TUT7: variants seen among roughly 807,000 people sequenced by gnomAD.
TUT7 encodes the protein terminal uridylyltransferase 7.
Under a neutral mutation model 165.9 loss-of-function variants are expected in TUT7, and 33 were observed. The observed-to-expected ratio is 0.20, with a 90% CI of 0.15 to 0.27. The LOEUF is 0.27. Ranked by LOEUF, TUT7 falls within the 10% of genes least tolerant of loss-of-function variation. TUT7 has a pLI of 1.00. For synonymous variants in TUT7, 552 were observed against 608.1 expected (o/e 0.91, Z 1.36); for missense variants, 1,338 against 1,762.3 (o/e 0.76, Z 4.31).
chr9:86,326,024 G>T (rs1279830212), intron 11 of TUT7, among the ~76,000 whole-genome samples: 2 of 152,176 alleles, frequency 1.3e-5, no homozygotes, highest in Non-Finnish European at 2.9e-5. Context: ...AATAACTCTT[G>T]CCATCAGAAA....
At chr9:86,326,634 C>A (rs791312) in intron 11 of TUT7, 85,312 of 154,158 alleles carry the variant, frequency 0.55, 23,835 homozygotes, top group African/African-American at 0.56. Flanking sequence ...ACAATGTCAC[C>A]ACTGTAAGAT....
rs767133738 is a variant in TUT7, at chr9:86,353,154, G to A, written c.46C>T (p.Arg16Trp). The change falls in exon 2 of 27, where the codon CGG becomes TGG. Residue 16 changes from arginine (R) to tryptophan (W), a missense_variant. By Grantham distance (101) the Arg-to-Trp change is moderately radical (BLOSUM62 -3). This residue lies in a region of TUT7 where 434 missense variants were observed against 480.8 expected (regional missense o/e 0.90). Transcript: ENST00000375963. The part of the protein sequence containing the change: ...KPYFVKRTKD[R>W]GTMDDDDFRR... ...AAGTCATCATCATCCATAGTCCCCC[G>A]GTCTTTAGTGCGCTTCACGAAATAA... is the stretch of plus-strand genomic sequence containing the variant. The A allele has an allele frequency of 6.9e-6, 11 of 1,605,160 alleles. No homozygotes were observed. Among genetic ancestry groups the A allele is most frequent in the Non-Finnish European group, 8.5e-6 (10 of 1,177,632 alleles).
rs527945606 is a variant in TUT7, at chr9:86,325,302, TG to T, written c.1789+31del. The T allele has an allele frequency of 1.3e-3, 2,042 of 1,585,680 alleles. 6 individuals carry two copies. Among genetic ancestry groups the T allele is most frequent in the Admixed American group, 2.2e-3 (128 of 58,214 alleles). On this transcript the variant is annotated intron_variant, in intron 12 of 26. Coordinates refer to ENST00000375963, the MANE Select transcript of TUT7 (RefSeq NM_024617.4). ...AGACTGGTACCTTTAAAAAAAAGAGTGGGGGGGAATAAGATAAACATTTTGA... is the reference window on the plus strand; with the variant it reads ...AGACTGGTACCTTTAAAAAAAAGAGTGGGGGGAATAAGATAAACATTTTGA...
chr9:86,321,660 TAGAGGCTGTGG>T (rs1445911470), intron 14 of TUT7, among the ~76,000 whole-genome samples: 1 of 151,982 alleles, frequency 6.6e-6, no homozygotes, highest in Admixed American at 6.6e-5. Context: ...GTCCAGGAGT[TAGAGGCTGTGG>T]AGAGCTGATA....
chr9:86,340,729 A>G (rs977196145), intron 7 of TUT7, among the ~76,000 whole-genome samples: 1 of 152,236 alleles, frequency 6.6e-6, no homozygotes, highest in African/African-American at 2.4e-5. Flanking sequence ...TACATTTTAC[A>G]TATTTTGCAT....
At chr9:86,344,614 A>G (rs1831596391) in intron 5 of TUT7, among the ~76,000 whole-genome samples, 2 of 151,128 alleles carry the variant, frequency 1.3e-5, no homozygotes, top group African/African-American at 4.9e-5. Flanking sequence ...GACATGAATA[A>G]CCTGAAAATA....
At chr9:86,297,484 G>T (rs1037412891) in intron 26 of TUT7, among the ~76,000 whole-genome samples, 1 of 152,276 alleles carries the variant, frequency 6.6e-6, no homozygotes, top group Middle Eastern at 3.4e-3. Context: ...GGCTACGCAA[G>T]AATTAGTTTT....
intron 12 of TUT7, 119 bp from the exon 13 acceptor site, chr9:86,324,079 T>C (rs1829572505): frequency 6.2e-6 from 6 of 972,058 alleles, no homozygotes; most frequent in Non-Finnish European, 7.1e-6. Flanking sequence ...AAAATTTATC[T>C]TGCATTTTAT....
chr9:86,322,091 A>T (rs546445142), intron 14 of TUT7, among the ~76,000 whole-genome samples: 24 of 151,678 alleles, frequency 1.6e-4, no homozygotes, highest in East Asian at 9.7e-4. Context: ...TTAAAAAAAA[A>T]TTTTTTTTTA....
rs370596610 is a variant in TUT7 at position 86,333,421 on chromosome 9, T to G, written c.1455+3998A>C. On this transcript the variant is annotated intron_variant, in intron 10 of 26. Coordinates refer to ENST00000375963, the MANE Select transcript of TUT7 (RefSeq NM_024617.4). ...CCCAGTTCTTAGGTATTTTGTTCCT[T>G]TTTCCTCTTTACTTTTCAGTTTGAG... is the stretch of plus-strand genomic sequence containing the variant. Among the ~76,000 whole-genome samples, 7 of 152,344 alleles carry G rather than the reference T, an allele frequency of 4.6e-5. 1 individual carries two copies. Among genetic ancestry groups the G allele is most frequent in the Admixed American group, 3.3e-4 (5 of 15,296 alleles).
chr9:86,288,714 C>G lies in TUT7; in HGVS notation c.4451G>C (p.Gly1484Ala). The G allele has an allele frequency of 1.2e-6, 2 of 1,613,774 alleles. No individual in the cohort carries two copies. The highest frequency in any genetic ancestry group is 1.7e-6 in the Non-Finnish European group (2 of 1,179,836). ...GSLSSKYMTQ[G>A]KASAKRTQQE... is the part of the protein sequence containing the mutation. ...CTGGGTCCTCTTCGCTGAGGCTTTT[C>G]CCTGAGTCATATATTTACTGGAAAG... The change falls in exon 27 of 27, where the codon GGA becomes GCA. Residue 1484 changes from glycine (G) to alanine (A), a missense_variant. Gly to Ala is a moderately conservative substitution (Grantham distance 60). Transcript: ENST00000375963.
intron 26 of TUT7, among the ~76,000 whole-genome samples, chr9:86,295,699 G>A (rs1826251223): frequency 6.6e-6 from 1 of 151,938 alleles, no homozygotes; most frequent in African/African-American, 2.4e-5. Context: ...AAATAAGCAG[G>A]CCTTAAAATT....
At chr9:86,298,332 T>C (rs552829523) in intron 26 of TUT7, among the ~76,000 whole-genome samples, 96 of 152,204 alleles carry the variant, frequency 6.3e-4, no homozygotes, top group African/African-American at 2.1e-3. Context: ...AGAGGCTGGA[T>C]AGCTATTTGT....
intron 17 of TUT7, among the ~76,000 whole-genome samples, chr9:86,315,356 T>A (rs1233083115): frequency 3.9e-5 from 6 of 152,348 alleles, no homozygotes; most frequent in Admixed American, 6.5e-5. Flanking sequence ...TCTTAGGAAA[T>A]ATATACTGAG....
In TUT7 at chr9:86,310,708, A is replaced by G. The variant is rs1341495105; in HGVS notation, c.3376T>C (p.Leu1126=). 1.3e-6 allele frequency: 2 copies of G among 1,579,008 alleles called. No individual in the cohort carries two copies. Among genetic ancestry groups the G allele is most frequent in the South Asian group, 1.1e-5 (1 of 90,118 alleles). ...AAAAAGCCTGAAAAAAATCTTACCA[A>G]TGTGTTATACAAACTGATATCTACT... ...LEVDISLYNT[L]ALHNTRLLSA... is the part of the protein sequence containing the mutation. The change falls in exon 18 of 27, where the codon TTG becomes CTG. Residue 1126 remains leucine, a splice_region_variant and synonymous_variant. Transcript: ENST00000375963.
chr9:86,352,000 T>C (rs1832343777), intron 2 of TUT7, among the ~76,000 whole-genome samples: 1 of 152,216 alleles, frequency 6.6e-6, no homozygotes, highest in African/African-American at 2.4e-5. Flanking sequence ...ATCTCCTTAT[T>C]ATCCCTTTGG....
At chr9:86,351,431 G>GT (rs1564105177) in intron 2 of TUT7, among the ~76,000 whole-genome samples, 1 of 152,018 alleles carries the variant, frequency 6.6e-6, no homozygotes, top group East Asian at 1.9e-4. Flanking sequence ...GCGAGACTCC[G>GT]TCTCAAAAAA....
intron 20 of TUT7, 33 bp from the exon 21 acceptor site, chr9:86,309,322 T>G (rs1267374874): frequency 6.8e-7 from 1 of 1,463,286 alleles, no homozygotes; most frequent in African/African-American, 1.4e-5. Context: ...TAGTATGGAT[T>G]ACAAACTTAA....
chr9:86,312,467 C>G (rs1272312221), intron 17 of TUT7, among the ~76,000 whole-genome samples: 1 of 151,882 alleles, frequency 6.6e-6, no homozygotes, highest in Non-Finnish European at 1.5e-5. Context: ...CACCCGGCAG[C>G]CACCCCATCC....
Sources: allele counts gnomAD v4.1 joint callset (sites outside exome capture counted in the v4.1 genomes callset), GRCh38; gene constraint gnomAD v4.1.1; regional missense constraint gnomAD v4.1.1; transcripts MANE v1.5; gene names NCBI Gene and HGNC (gene_info 2026-07-23, HGNC 2026-07-21).